MYO1E: variants seen among roughly 807,000 people sequenced by gnomAD.
MYO1E encodes the protein myosin IE.
A neutral mutation model predicts 151.1 loss-of-function variants in MYO1E; 68 were observed. That is an observed-to-expected ratio of 0.45 (90% CI 0.37 to 0.55). The LOEUF (loss-of-function observed/expected upper bound fraction) is 0.55, where lower values mean the gene tolerates loss of function less well. MYO1E is among the 20% of genes least tolerant of loss of function. MYO1E has a pLI of 0.00. For synonymous variants in MYO1E, 601 were observed against 501.7 expected (o/e 1.20, Z -2.64); for missense variants, 1,363 against 1,389.3 (o/e 0.98, Z 0.30).
At chr15:59,179,519 G>A (rs1244079305) in intron 18 of MYO1E, among the ~76,000 whole-genome samples, 1 of 152,142 alleles carries the variant, frequency 6.6e-6, no homozygotes, top group Non-Finnish European at 1.5e-5. Context: ...CTCTCTGCAT[G>A]AGGTGCTGTG....
At chr15:59,286,637 G>A (rs760268001) in intron 1 of MYO1E, among the ~76,000 whole-genome samples, 2 of 152,066 alleles carry the variant, frequency 1.3e-5, no homozygotes, top group Non-Finnish European at 2.9e-5. Context: ...ATAGGGATAC[G>A]GAGTCCAGGG....
rs1408514399 is a variant in MYO1E at position 59,137,249 on chromosome 15, A to G, written c.*131T>C. The G allele has an allele frequency of 6.2e-6, 5 of 804,562 alleles. No individual in the cohort carries two copies. The highest frequency in any genetic ancestry group is 1.1e-5 in the Non-Finnish European group (5 of 470,268). 49.8% of individuals were successfully genotyped at this position (804,562 alleles called of 1,614,324 possible). A position where few individuals can be genotyped will look rare whatever the true frequency, so the allele number is the denominator to read the frequency against. On this transcript the variant is annotated 3_prime_UTR_variant, in exon 28 of 28. Transcript: ENST00000288235. The stretch of plus-strand genomic sequence containing the variant: ...GCCTTTTCAGTGTCCTCCATGGGGA[A>G]GGTACCAGAATAGCTCCAGGCCTTG...
At chr15:59,193,085 G>C (rs1243554868) in intron 17 of MYO1E, among the ~76,000 whole-genome samples, 1 of 152,192 alleles carries the variant, frequency 6.6e-6, no homozygotes, top group African/African-American at 2.4e-5. Flanking sequence ...CTTTGCTCTA[G>C]ATCAGTGATT....
At chr15:59,167,635 A>G (rs1490016529) in intron 22 of MYO1E, among the ~76,000 whole-genome samples, 1 of 152,208 alleles carries the variant, frequency 6.6e-6, no homozygotes, top group Non-Finnish European at 1.5e-5. Flanking sequence ...CGAGTCTCCA[A>G]TGAAGCCAGA....
intron 4 of MYO1E, among the ~76,000 whole-genome samples, chr15:59,237,956 T>A (rs1440302365): frequency 6.6e-6 from 1 of 152,150 alleles, no homozygotes; most frequent in Non-Finnish European, 1.5e-5. Context: ...GCGGGAACCA[T>A]CCTCTGTTCA....
At chr15:59,184,471 C>T (rs2079683834) in intron 18 of MYO1E, among the ~76,000 whole-genome samples, 1 of 152,100 alleles carries the variant, frequency 6.6e-6, no homozygotes, top group Non-Finnish European at 1.5e-5. Flanking sequence ...AGCAATTTTC[C>T]CGCCTCAGCC....
intron 1 of MYO1E, among the ~76,000 whole-genome samples, chr15:59,312,699 T>A (rs2080559805): frequency 6.6e-6 from 1 of 151,946 alleles, no homozygotes; most frequent in South Asian, 2.1e-4. Flanking sequence ...ACCAGCAGCA[T>A]CAGCAACACC....
At chr15:59,286,426 T>G (rs1366555259) in intron 1 of MYO1E, among the ~76,000 whole-genome samples, 2 of 152,228 alleles carry the variant, frequency 1.3e-5, no homozygotes, top group African/African-American at 4.8e-5. Context: ...AATTATTTTC[T>G]CATCTCTGTC....
intron 1 of MYO1E, among the ~76,000 whole-genome samples, chr15:59,299,848 T>C (rs2080471657): frequency 6.6e-6 from 1 of 152,220 alleles, no homozygotes; most frequent in Admixed American, 6.5e-5. Flanking sequence ...ATTTATGCCA[T>C]TTAAATTAAG....
intron 24 of MYO1E, 140 bp downstream of exon 24, chr15:59,160,933 T>G: frequency 8.3e-7 from 1 of 1,199,980 alleles, no homozygotes; most frequent in East Asian, 2.3e-5. Flanking sequence ...AATGTTCCAT[T>G]CTGAAGAAAG....
At chr15:59,227,390 G>A in intron 7 of MYO1E, 69 bp downstream of exon 7, 2 of 1,575,568 alleles carry the variant, frequency 1.3e-6, no homozygotes, top group Non-Finnish European at 8.7e-7. Context: ...GTCTATGCCT[G>A]AAGTCTGAGA....
chr15:59,297,034 T>TCA (rs1346710786), intron 1 of MYO1E, among the ~76,000 whole-genome samples: 5 of 51,926 alleles, frequency 9.6e-5, no homozygotes, highest in Non-Finnish European at 1.9e-4. Flanking sequence ...TGTGTTTTTT[T>TCA]GTAGAGACAG....
intron 4 of MYO1E, among the ~76,000 whole-genome samples, chr15:59,240,549 T>A (rs563903529): frequency 6.6e-6 from 1 of 152,232 alleles, no homozygotes; most frequent in Non-Finnish European, 1.5e-5. Flanking sequence ...TCAATAGTAT[T>A]TTCTATTCAC....
At chr15:59,276,987 G>C (rs1208060419) in intron 1 of MYO1E, among the ~76,000 whole-genome samples, 5 of 152,136 alleles carry the variant, frequency 3.3e-5, no homozygotes, top group Non-Finnish European at 7.4e-5. Flanking sequence ...GATGCATCTG[G>C]GAGAAAGGAG....
intron 14 of MYO1E, chr15:59,207,710 G>A (rs774728349): frequency 1.9e-6 from 3 of 1,614,184 alleles, no homozygotes; most frequent in South Asian, 1.1e-5. Context: ...AACATAGCTG[G>A]TGTCCCTTTG....
At chr15:59,232,222 T>A (rs1170309951) in intron 5 of MYO1E, among the ~76,000 whole-genome samples, 1 of 152,192 alleles carries the variant, frequency 6.6e-6, no homozygotes, top group Non-Finnish European at 1.5e-5. Context: ...CACTGCAAGT[T>A]ACCTTAAGGA....
At chr15:59,320,502 T>C (rs772836450) in intron 1 of MYO1E, among the ~76,000 whole-genome samples, 3 of 152,146 alleles carry the variant, frequency 2.0e-5, no homozygotes. Context: ...TTCTCTGTTC[T>C]GTTCAACAGA....
intron 9 of MYO1E, among the ~76,000 whole-genome samples, chr15:59,219,753 T>G (rs1330107140): frequency 6.6e-6 from 1 of 152,232 alleles, no homozygotes; most frequent in African/African-American, 2.4e-5. Flanking sequence ...TGTCTTCCAG[T>G]GAACTAAACG....
At chr15:59,259,800 T>G (rs1047969646) in intron 3 of MYO1E, among the ~76,000 whole-genome samples, 1 of 152,196 alleles carries the variant, frequency 6.6e-6, no homozygotes, top group African/African-American at 2.4e-5. Context: ...GACAAAACTA[T>G]AGAGTGGGCA....
Sources: gnomAD v4.1 joint callset for allele counts (sites outside exome capture counted in the v4.1 genomes callset) on GRCh38, gnomAD v4.1.1 for gene constraint, MANE v1.5 for transcripts, NCBI Gene and HGNC (gene_info 2026-07-23, HGNC 2026-07-21) for gene names.